Variants in USP15 observed in about 807,000 individuals in gnomAD.
USP15 encodes the protein ubiquitin specific peptidase 15, also known as ubiquitin carboxyl-terminal hydrolase 15.
A neutral mutation model predicts 127.1 loss-of-function variants in USP15; 18 were observed. That is an observed-to-expected ratio of 0.14 (90% CI 0.10 to 0.21). USP15 has a LOEUF of 0.21. USP15 is among the 10% of genes least tolerant of loss of function. The pLI is 1.00. For missense variants in USP15, 805 were observed against 1,159.9 expected (o/e 0.69, Z 4.44); for synonymous variants, 364 against 393.7 (o/e 0.92, Z 0.89).
chr12:62,329,053 A>T (rs2065209369), intron 6 of USP15, among the ~76,000 whole-genome samples: 1 of 152,170 alleles, frequency 6.6e-6, no homozygotes, highest in Non-Finnish European at 1.5e-5. Flanking sequence ...GAAATATAAC[A>T]CTTATATTTA....
At chr12:62,304,869 C>A (rs2064431447) in intron 3 of USP15, 7 of 226,042 alleles carry the variant, frequency 3.1e-5, no homozygotes, top group South Asian at 9.7e-5. Flanking sequence ...TAGGGCAAAA[C>A]TATTAAAGAA....
Position 62,414,324 on chromosome 12 carries a change from A to G in USP15, c.*9949A>G, listed in dbSNP as rs2068105009. On this transcript the variant is annotated 3_prime_UTR_variant, in exon 22 of 22. Transcript: ENST00000280377. Reference sequence around the variant, plus strand: ...TGATAATAAAGTGAAGCAGAATAAAACAAGGTATGCCTGGTTTTTGTTTTG... The same window carrying G: ...TGATAATAAAGTGAAGCAGAATAAAGCAAGGTATGCCTGGTTTTTGTTTTG... 1 of 147,538 alleles carries G rather than the reference A, an allele frequency of 6.8e-6. No individual in the cohort carries two copies. The highest frequency in any genetic ancestry group is 2.4e-5 in the African/African-American group (1 of 41,274). 9.1% of individuals were successfully genotyped at this position (147,538 alleles called of 1,614,324 possible). A position where few individuals can be genotyped will look rare whatever the true frequency, so the allele number is the denominator to read the frequency against.
chr12:62,303,109 A>G (rs1475790665), intron 3 of USP15, 189 bp downstream of exon 3: 11 of 536,264 alleles, frequency 2.1e-5, no homozygotes, highest in Non-Finnish European at 3.2e-5. Flanking sequence ...CCACTATTGT[A>G]AGTATGTATT....
intron 6 of USP15, chr12:62,336,241 T>G: frequency 1.0e-6 from 1 of 985,456 alleles, no homozygotes; most frequent in Non-Finnish European, 1.2e-6. Context: ...ATTTCTAGAC[T>G]AGACCACTTT....
chr12:62,331,316 A>G (rs1460070443), intron 6 of USP15, among the ~76,000 whole-genome samples: 1 of 152,168 alleles, frequency 6.6e-6, no homozygotes, highest in Admixed American at 6.5e-5. Context: ...AGAATTTCTT[A>G]TTATGTCTGG....
At position 62,349,841 on chromosome 12, in the gene USP15, A is replaced by G. The variant is rs190433725; in HGVS notation, c.770+534A>G. 5.7e-4 allele frequency among the ~76,000 whole-genome samples: 87 copies of G among 152,146 alleles called. 1 individual carries two copies. The highest frequency in any genetic ancestry group is 2.1e-3 in the African/African-American group (86 of 41,574). On this transcript the variant is annotated intron_variant, in intron 7 of 21. Transcript: ENST00000280377. The stretch of plus-strand genomic sequence containing the variant: ...TGTGTTATATTGCTATAAGAAAAAC[A>G]GTTGAAAGTCAAGGTTACACAGCTT...
At chr12:62,271,443 C>G (rs76010465) in intron 1 of USP15, among the ~76,000 whole-genome samples, 3,345 of 151,888 alleles carry the variant, frequency 0.022, 124 homozygotes, top group African/African-American at 0.075. Context: ...TATAGATGCT[C>G]GTTATTATTC....
intron 6 of USP15, chr12:62,335,677 A>G: frequency 3.0e-6 from 3 of 986,056 alleles, no homozygotes; most frequent in Non-Finnish European, 3.6e-6. Flanking sequence ...AAAACCAAAA[A>G]CCATATACTT....
intron 1 of USP15, 110 bp downstream of exon 1, chr12:62,260,613 C>A: frequency 9.3e-7 from 1 of 1,075,688 alleles, no homozygotes; most frequent in South Asian, 1.6e-5. Flanking sequence ...GGTCCGGCGG[C>A]GGCCGCCGGG....
rs180731592 is a variant in USP15, at chr12:62,323,140, G to A, written c.621+1531G>A. Among the ~76,000 whole-genome samples, 202 of 152,168 alleles carry A rather than the reference G, an allele frequency of 1.3e-3. 1 individual carries two copies. Among genetic ancestry groups the A allele is most frequent in the Middle Eastern group, 3.4e-3 (1 of 294 alleles). On this transcript the variant is annotated intron_variant, in intron 5 of 21. Transcript: ENST00000280377. ...TGAGGTATAGGATGTTTCTACTTTGGAGAAAAGAATTGCTTCCTTAACTTC... is the reference window on the plus strand; with the variant it reads ...TGAGGTATAGGATGTTTCTACTTTGAAGAAAAGAATTGCTTCCTTAACTTC...
At chr12:62,349,514 A>G (rs934960118) in intron 7 of USP15, among the ~76,000 whole-genome samples, 1 of 152,092 alleles carries the variant, frequency 6.6e-6, no homozygotes, top group African/African-American at 2.4e-5. Flanking sequence ...TGAAAGAAAT[A>G]AAACACTTAA....
rs574571980 is a variant in USP15 at position 62,265,401 on chromosome 12, A to G, written c.89+4898A>G. Among the ~76,000 whole-genome samples, 3 of 152,308 alleles carry G rather than the reference A, an allele frequency of 2.0e-5. No homozygotes were observed. The South Asian group carries it at 6.2e-4, about 32-fold the overall frequency. On this transcript the variant is annotated intron_variant, in intron 1 of 21. Transcript: ENST00000280377. ...ATCACCATATTACCACAATTCTGGG[A>G]ATCGGTGTTATTCACATTTGACAAA...
intron 1 of USP15, among the ~76,000 whole-genome samples, chr12:62,285,635 G>A (rs2063765122): frequency 6.6e-6 from 1 of 150,676 alleles, no homozygotes; most frequent in Non-Finnish European, 1.5e-5. Flanking sequence ...GTATTCCATG[G>A]TGTGTGTGTG....
rs938351363 is a variant in USP15, at chr12:62,287,784, G to A, written c.90-6395G>A. Reference sequence around the variant, plus strand: ...AATATTTTATATAGTGAGAAGTAGGGGCCCAGTTTCATTCTTCTGCATGTG... The same window carrying A: ...AATATTTTATATAGTGAGAAGTAGGAGCCCAGTTTCATTCTTCTGCATGTG... On this transcript the variant is annotated intron_variant, in intron 1 of 21. Coordinates refer to ENST00000280377, the MANE Select transcript of USP15 (RefSeq NM_001252078.2). Among the ~76,000 whole-genome samples, 3 of 152,014 alleles carry A rather than the reference G, an allele frequency of 2.0e-5. No homozygotes were observed. The East Asian group carries it at 5.8e-4, about 29-fold the overall frequency.
At chr12:62,353,488 G>A (rs928091597) in intron 7 of USP15, among the ~76,000 whole-genome samples, 1 of 151,672 alleles carries the variant, frequency 6.6e-6, no homozygotes, top group Non-Finnish European at 1.5e-5. Context: ...TGTGTGTATA[G>A]GCATGACCAT....
rs535037895 is a variant in USP15, at chr12:62,389,892, A to C, written c.1748A>C (p.His583Pro). The change falls in exon 14 of 22, where the codon CAT becomes CCT. Residue 583 changes from histidine (H) to proline (P), a missense_variant. Coordinates refer to ENST00000280377, the MANE Select transcript of USP15 (RefSeq NM_001252078.2). ...TTCAGACACTCGAGTTATACCCACC[A>C]TACTGGTTCTTCACTTTTTGGTCAG... ...EKFRHSSYTHHTGSSLFGQPF... is the reference protein window; with the variant it reads ...EKFRHSSYTHPTGSSLFGQPF... The C allele has an allele frequency of 5.0e-6, 8 of 1,613,914 alleles. No individual in the cohort carries two copies. The South Asian group carries it at 8.8e-5, about 18-fold the overall frequency.
chr12:62,316,283 C>CAAA (rs146374195), intron 4 of USP15, among the ~76,000 whole-genome samples: 12 of 85,120 alleles, frequency 1.4e-4, no homozygotes, highest in Middle Eastern at 7.2e-3. Flanking sequence ...GACTTTATCT[C>CAAA]AAAAAAAAAA....
At chr12:62,398,165 G>GT (rs996566165) in intron 20 of USP15, among the ~76,000 whole-genome samples, 41 of 151,598 alleles carry the variant, frequency 2.7e-4, no homozygotes, top group Admixed American at 2.1e-3. Context: ...TAATTTTTTT[G>GT]TATTTTTAGT....
intron 9 of USP15, among the ~76,000 whole-genome samples, chr12:62,383,027 A>G (rs558587086): frequency 6.6e-6 from 1 of 152,102 alleles, no homozygotes; most frequent in South Asian, 2.1e-4. Context: ...ATACATTTTT[A>G]TATATTAAAG....
Sources: gnomAD v4.1 joint callset for allele counts (sites outside exome capture counted in the v4.1 genomes callset) on GRCh38, gnomAD v4.1.1 for gene constraint, MANE v1.5 for transcripts, NCBI Gene and HGNC (gene_info 2026-07-23, HGNC 2026-07-21) for gene names.